The following RANBP2 variants were observed in gnomAD, a reference collection of about 807,000 sequenced individuals.
The protein encoded by RANBP2 is RAN binding protein 2.
RANBP2 carries 57 observed loss-of-function variants against 303.6 expected under a neutral mutation model. The ratio of observed to expected loss-of-function variants is 0.19; its 90% CI spans 0.15 to 0.23. RANBP2 has a LOEUF of 0.23. Among genes scored for constraint, RANBP2 ranks in the 10% least tolerant of loss-of-function variants. The pLI is 1.00. For synonymous variants in RANBP2, 1,167 were observed against 1,301.5 expected (o/e 0.90, Z 2.23); for missense variants, 3,138 against 3,780.8 (o/e 0.83, Z 4.46).
At chr2:109,404,221 C>G in the RANBP2 span, among the ~76,000 whole-genome samples, 2 of 152,128 alleles carry the variant, frequency 1.3e-5, no homozygotes, top group Non-Finnish European at 2.9e-5. Flanking sequence ...ACCCACACAG[C>G]CTGAAATATC....
the RANBP2 span, among the ~76,000 whole-genome samples, chr2:109,011,874 G>A: frequency 1.1e-4 from 16 of 152,106 alleles, no homozygotes; most frequent in South Asian, 4.2e-4. Flanking sequence ...ATGTGTGTGC[G>A]TGTATGTGTG....
intron 1 of RANBP2, among the ~76,000 whole-genome samples, chr2:108,721,112 A>T (rs189186081): frequency 2.8e-4 from 42 of 152,294 alleles, no homozygotes; most frequent in Non-Finnish European, 1.9e-4. Flanking sequence ...ATAGTAGCAT[A>T]ATTGTGTCTC....
chr2:109,467,432 C>T, the RANBP2 span, among the ~76,000 whole-genome samples: 1 of 152,192 alleles, frequency 6.6e-6, no homozygotes, highest in Non-Finnish European at 1.5e-5. Context: ...AATGCACACC[C>T]ATGTTTAGTG....
chr2:109,441,244 G>A, the RANBP2 span, among the ~76,000 whole-genome samples: 28 of 151,942 alleles, frequency 1.8e-4, no homozygotes, highest in African/African-American at 5.8e-4. Context: ...ATAATGAAGG[G>A]ATCAGTCAAT....
At chr2:109,245,509 A>G in the RANBP2 span, among the ~76,000 whole-genome samples, 1 of 152,264 alleles carries the variant, frequency 6.6e-6, no homozygotes, top group African/African-American at 2.4e-5. Context: ...AGAGTCAACT[A>G]GAAATAAAAA....
the RANBP2 span, among the ~76,000 whole-genome samples, chr2:109,196,900 A>C: frequency 6.6e-6 from 1 of 152,198 alleles, no homozygotes; most frequent in Non-Finnish European, 1.5e-5. Context: ...CCGGCACATC[A>C]TAGAGGCTGG....
chr2:108,965,840 A>G, the RANBP2 span, among the ~76,000 whole-genome samples: 2 of 151,944 alleles, frequency 1.3e-5, no homozygotes, highest in African/African-American at 2.4e-5. Context: ...CCCCTCCTGC[A>G]TCATGTACTC....
At chr2:109,037,163 C>CA in the RANBP2 span, among the ~76,000 whole-genome samples, 3 of 150,708 alleles carry the variant, frequency 2.0e-5, no homozygotes, top group Non-Finnish European at 3.0e-5. Flanking sequence ...CAAAACAAAA[C>CA]AAAAAAACAA....
At chr2:108,845,659 C>T in the RANBP2 span, among the ~76,000 whole-genome samples, 1 of 151,548 alleles carries the variant, frequency 6.6e-6, no homozygotes, top group Non-Finnish European at 1.5e-5. Context: ...GCAAGCTCCG[C>T]CTCCCGTGTT....
the RANBP2 span, among the ~76,000 whole-genome samples, chr2:109,389,254 G>A: frequency 6.6e-6 from 1 of 151,708 alleles, no homozygotes; most frequent in Non-Finnish European, 1.5e-5. Context: ...GGGCAAGCGT[G>A]GGCCAGGCCC....
At chr2:108,831,663 C>T in the RANBP2 span, among the ~76,000 whole-genome samples, 1 of 149,960 alleles carries the variant, frequency 6.7e-6, no homozygotes. Context: ...GGTTCTATCC[C>T]TGGAATCTGA....
chr2:109,197,458 G>A, the RANBP2 span, among the ~76,000 whole-genome samples: 123,810 of 152,080 alleles, frequency 0.81, 50,546 homozygotes, highest in East Asian at 0.89. Context: ...GTAAATGGGG[G>A]TGAGGCTCTC....
At chr2:109,664,402 G>A in the RANBP2 span, among the ~76,000 whole-genome samples, 3 of 146,666 alleles carry the variant, frequency 2.0e-5, no homozygotes, top group Admixed American at 6.8e-5. Context: ...TCAGGAGTGC[G>A]AGACCAGCCT....
chr2:108,960,137 G>A, the RANBP2 span, among the ~76,000 whole-genome samples: 21 of 152,324 alleles, frequency 1.4e-4, no homozygotes, highest in African/African-American at 5.1e-4. Context: ...GTGCTAAGAG[G>A]AGCGGGGTGG....
At chr2:109,293,436 G>C in the RANBP2 span, among the ~76,000 whole-genome samples, 1 of 152,170 alleles carries the variant, frequency 6.6e-6, no homozygotes, top group Non-Finnish European at 1.5e-5. Context: ...GATGTCCCAG[G>C]CTACCCCAGT....
At chr2:109,641,899 G>T in the RANBP2 span, among the ~76,000 whole-genome samples, 1 of 152,146 alleles carries the variant, frequency 6.6e-6, no homozygotes, top group Non-Finnish European at 1.5e-5. Context: ...TATGCCTGCT[G>T]GGTTCAAGCC....
At chr2:109,233,278 G>T in the RANBP2 span, among the ~76,000 whole-genome samples, 1 of 152,184 alleles carries the variant, frequency 6.6e-6, no homozygotes, top group Non-Finnish European at 1.5e-5. Context: ...GAATGCAGAG[G>T]TTGTATTGAG....
intron 6 of RANBP2, among the ~76,000 whole-genome samples, chr2:108,736,518 A>G (rs896497675): frequency 6.6e-6 from 1 of 152,212 alleles, no homozygotes; most frequent in Non-Finnish European, 1.5e-5. Flanking sequence ...CAGTTTTGTC[A>G]TAGTCAAGCC....
At chr2:109,353,717 G>A in the RANBP2 span, among the ~76,000 whole-genome samples, 1 of 152,078 alleles carries the variant, frequency 6.6e-6, no homozygotes, top group Admixed American at 6.5e-5. Context: ...GCTGTGGAGT[G>A]CACTGCCCTT....
Sources: allele counts gnomAD v4.1 joint callset (sites outside exome capture counted in the v4.1 genomes callset), GRCh38; gene constraint gnomAD v4.1.1; transcripts MANE v1.5; gene names NCBI Gene and HGNC (gene_info 2026-07-23, HGNC 2026-07-21).